Variants in VPS53 observed in about 807,000 individuals in gnomAD.
The protein encoded by VPS53 is vacuolar protein sorting-associated protein 53 homolog.
In VPS53, 70 loss-of-function variants were observed where a neutral mutation model predicts 107.0. The observed-to-expected ratio is 0.65, with a 90% CI of 0.54 to 0.80. The LOEUF is 0.80. VPS53 is among the 30% of genes least tolerant of loss of function. VPS53 has a pLI of 0.00. For missense variants in VPS53, 917 were observed against 1,049.4 expected, an observed-to-expected ratio of 0.87 and a Z score of 1.74; for synonymous variants, 409 against 393.3, an observed-to-expected ratio of 1.04 and a Z score of -0.47.
At chr17:705,444 A>G (rs1973365065) in intron 2 of VPS53, among the ~76,000 whole-genome samples, 1 of 151,926 alleles carries the variant, frequency 6.6e-6, no homozygotes, top group South Asian at 2.1e-4. Context: ...AAAAAATTAA[A>G]AATCAGCTGG....
At chr17:540,595 C>G (rs1437894969) in intron 17 of VPS53, 1 of 152,194 alleles carries the variant, frequency 6.6e-6, no homozygotes. Context: ...GAGACCTCAA[C>G]TTTTCCAGGT....
At chr17:552,895 G>C (rs1911978514) in intron 16 of VPS53, 1 of 420,154 alleles carries the variant, frequency 2.4e-6, no homozygotes, top group African/African-American at 2.0e-5. Flanking sequence ...GAAAGGGCAG[G>C]CAGCGAGCAA....
At chr17:656,907 T>C in intron 5 of VPS53, 1 of 1,479,144 alleles carries the variant, frequency 6.8e-7, no homozygotes, top group Non-Finnish European at 9.4e-7. Context: ...TTGCCAATAG[T>C]GAAAATGTTG....
intron 12 of VPS53, among the ~76,000 whole-genome samples, chr17:587,622 G>T (rs887093145): frequency 6.6e-6 from 1 of 152,060 alleles, no homozygotes; most frequent in Admixed American, 6.5e-5. Flanking sequence ...AACAATATTT[G>T]CCACTTAATT....
intron 7 of VPS53, among the ~76,000 whole-genome samples, chr17:636,179 T>G (rs1008891639): frequency 2.0e-5 from 3 of 152,240 alleles, no homozygotes; most frequent in African/African-American, 7.2e-5. Flanking sequence ...TTTGTAGCAA[T>G]TGTGAATGGG....
intron 19 of VPS53, among the ~76,000 whole-genome samples, chr17:526,151 T>G (rs1039762511): frequency 1.3e-5 from 2 of 152,162 alleles, no homozygotes; most frequent in African/African-American, 4.8e-5. Flanking sequence ...AGGACTCAAC[T>G]CTGTCTTCCA....
intron 10 of VPS53, among the ~76,000 whole-genome samples, chr17:624,255 T>C (rs1304482175): frequency 6.6e-6 from 1 of 152,184 alleles, no homozygotes; most frequent in East Asian, 1.9e-4. Context: ...ATATAGCCTA[T>C]ATAATTTCAC....
At chr17:564,298 T>C (rs1913285589) in intron 13 of VPS53, among the ~76,000 whole-genome samples, 2 of 151,934 alleles carry the variant, frequency 1.3e-5, no homozygotes, top group South Asian at 2.1e-4. Context: ...CCCAGCACTT[T>C]GGGAGGCCAA....
intron 2 of VPS53, among the ~76,000 whole-genome samples, chr17:701,544 A>AT (rs1973202378): frequency 1.3e-5 from 2 of 151,540 alleles, no homozygotes; most frequent in Admixed American, 6.6e-5. Context: ...CGCCCAGCTA[A>AT]TTTTTGTATT....
At chr17:708,927 C>T (rs1243636154) in intron 2 of VPS53, among the ~76,000 whole-genome samples, 1 of 152,136 alleles carries the variant, frequency 6.6e-6, no homozygotes, top group Non-Finnish European at 1.5e-5. Flanking sequence ...ACAGGTTGTG[C>T]CTTCAGTCTC....
chr17:534,868 T>C (rs1909898480), intron 18 of VPS53, among the ~76,000 whole-genome samples: 1 of 148,518 alleles, frequency 6.7e-6, no homozygotes, highest in Non-Finnish European at 1.5e-5. Flanking sequence ...CAGTGAGCTG[T>C]GGTTGCACCA....
intron 11 of VPS53, among the ~76,000 whole-genome samples, chr17:611,938 C>T (rs1968898842): frequency 6.6e-6 from 1 of 150,486 alleles, no homozygotes; most frequent in African/African-American, 2.5e-5. Flanking sequence ...CAGTGAAAAC[C>T]TGTACAGATA....
intron 1 of VPS53, 101 bp downstream of exon 1, chr17:714,522 C>G (rs887468009): frequency 3.5e-6 from 4 of 1,158,098 alleles, no homozygotes; most frequent in Non-Finnish European, 5.0e-6. Context: ...CTGCCGCGAG[C>G]CCCCGGCCCT....
At chr17:707,250 G>C (rs562963010) in intron 2 of VPS53, among the ~76,000 whole-genome samples, 26 of 152,020 alleles carry the variant, frequency 1.7e-4, no homozygotes, top group African/African-American at 6.3e-4. Context: ...GGTCGGGCGC[G>C]GTGGCTCACG....
intron 7 of VPS53, among the ~76,000 whole-genome samples, chr17:632,242 T>G (rs1007949083): frequency 6.6e-6 from 1 of 152,118 alleles, no homozygotes; most frequent in African/African-American, 2.4e-5. Context: ...AGGGAGACCT[T>G]GGCTCTAAAA....
At chr17:642,991 A>T (rs1217707349) in intron 7 of VPS53, among the ~76,000 whole-genome samples, 9 of 122,008 alleles carry the variant, frequency 7.4e-5, no homozygotes, top group Admixed American at 1.6e-4. Context: ...CAACACTCAT[A>T]CTTGGAAAGC....
intron 12 of VPS53, among the ~76,000 whole-genome samples, chr17:587,530 G>A (rs192971698): frequency 1.4e-4 from 22 of 152,266 alleles, no homozygotes; most frequent in African/African-American, 5.1e-4. Context: ...TTAGGCCACT[G>A]CAACACTAGA....
At chr17:575,651 C>A (rs1399023050) in intron 13 of VPS53, among the ~76,000 whole-genome samples, 1 of 151,812 alleles carries the variant, frequency 6.6e-6, no homozygotes, top group Non-Finnish European at 1.5e-5. Context: ...AGAGAAATTC[C>A]CTCAGGATCT....
intron 2 of VPS53, among the ~76,000 whole-genome samples, chr17:702,622 C>T (rs1973251179): frequency 6.6e-6 from 1 of 152,030 alleles, no homozygotes; most frequent in African/African-American, 2.4e-5. Context: ...GCCGAGATCG[C>T]GCCACTGCAC....
Sources: allele counts gnomAD v4.1 joint callset (sites outside exome capture counted in the v4.1 genomes callset), GRCh38; gene constraint gnomAD v4.1.1; transcripts MANE v1.5; gene names NCBI Gene and HGNC (gene_info 2026-07-23, HGNC 2026-07-21).